Variants in COL6A6 observed in about 807,000 individuals in gnomAD.
COL6A6 encodes the protein collagen type VI alpha 6 chain.
Under a neutral mutation model 208.6 loss-of-function variants are expected in COL6A6, and 183 were observed. The ratio of observed to expected loss-of-function variants is 0.88; its 90% CI spans 0.78 to 0.99. COL6A6 has a LOEUF of 0.99. Ranked by LOEUF, COL6A6 falls within the 50% of genes least tolerant of loss-of-function variation. COL6A6 has a pLI of 0.00. For synonymous variants in COL6A6, 973 were observed against 1,011.8 expected (o/e 0.96, Z 0.73); for missense variants, 2,816 against 2,815.2 (o/e 1.00, Z -0.01).
chr3:130,633,796 G>A (rs1454435036), intron 26 of COL6A6, among the ~76,000 whole-genome samples: 1 of 14,414 alleles, frequency 6.9e-5, no homozygotes, highest in Admixed American at 1.5e-3. Flanking sequence ...GTAAACTATC[G>A]CAAGAACAAA....
chr3:130,526,209 G>A (rs1370796532), intron 1 of COL6A6, among the ~76,000 whole-genome samples: 1 of 152,094 alleles, frequency 6.6e-6, no homozygotes, highest in African/African-American at 2.4e-5. Flanking sequence ...CTTCTCTGGG[G>A]AGGTGACATT....
At chr3:130,552,836 G>GAATGAAGA (rs2062676517) in intron 1 of COL6A6, among the ~76,000 whole-genome samples, 1 of 152,142 alleles carries the variant, frequency 6.6e-6, no homozygotes, top group African/African-American at 2.4e-5. Context: ...CTCTCTTAAG[G>GAATGAAGA]CAGGTCTGGT....
At chr3:130,646,424 A>T (rs2065463088) in intron 32 of COL6A6, 1 of 152,306 alleles carries the variant, frequency 6.6e-6, no homozygotes, top group African/African-American at 2.4e-5. Flanking sequence ...AATACAAAAA[A>T]TTAGCTGGGC....
chr3:130,543,622 GAT>G (rs1340503176), intron 1 of COL6A6, among the ~76,000 whole-genome samples: 1 of 152,144 alleles, frequency 6.6e-6, no homozygotes, highest in African/African-American at 2.4e-5. Flanking sequence ...AGGCAAGTAA[GAT>G]ATAATAATTT....
chr3:130,650,934 T>A (rs1253663399), intron 33 of COL6A6, among the ~76,000 whole-genome samples: 1 of 152,220 alleles, frequency 6.6e-6, no homozygotes, highest in Non-Finnish European at 1.5e-5. Context: ...TTTCCTAGAT[T>A]AGAGGCTAAA....
At chr3:130,526,156 TA>T (rs949793986) in intron 1 of COL6A6, among the ~76,000 whole-genome samples, 2 of 152,092 alleles carry the variant, frequency 1.3e-5, no homozygotes, top group Non-Finnish European at 2.9e-5. Context: ...TGACTGACTA[TA>T]AAAAAGGTGG....
chr3:130,562,638 A>C (rs979506638), intron 2 of COL6A6, among the ~76,000 whole-genome samples: 3 of 152,218 alleles, frequency 2.0e-5, no homozygotes, highest in African/African-American at 7.2e-5. Context: ...AATTTGATGG[A>C]GTTTGAGTTT....
chr3:130,583,992 G>A (rs1317151161), intron 10 of COL6A6, among the ~76,000 whole-genome samples: 3 of 152,066 alleles, frequency 2.0e-5, no homozygotes, highest in South Asian at 2.1e-4. Flanking sequence ...CCTTGATGGC[G>A]GACGTGGCTG....
intron 1 of COL6A6, among the ~76,000 whole-genome samples, chr3:130,533,150 C>T (rs2062142140): frequency 6.6e-6 from 1 of 151,652 alleles, no homozygotes; most frequent in South Asian, 2.1e-4. Flanking sequence ...TTCTCAGTGG[C>T]AGCAGTGGCA....
chr3:130,599,456 G>A (rs902816854), intron 19 of COL6A6, among the ~76,000 whole-genome samples: 13 of 151,730 alleles, frequency 8.6e-5, no homozygotes, highest in African/African-American at 3.2e-4. Flanking sequence ...TCCACACTGT[G>A]GCAACGTAGT....
intron 1 of COL6A6, among the ~76,000 whole-genome samples, chr3:130,553,831 G>T (rs1442595471): frequency 1.4e-5 from 2 of 138,320 alleles, no homozygotes; most frequent in Non-Finnish European, 3.2e-5. Flanking sequence ...GGGTGTTGCG[G>T]TGGGTTTTTT....
intron 1 of COL6A6, among the ~76,000 whole-genome samples, chr3:130,550,966 T>G (rs2062628665): frequency 6.6e-6 from 1 of 152,250 alleles, no homozygotes; most frequent in Non-Finnish European, 1.5e-5. Flanking sequence ...TCACATTTAT[T>G]GATTTGTGTG....
chr3:130,539,561 G>C (rs1263988754), intron 1 of COL6A6, among the ~76,000 whole-genome samples: 1 of 152,004 alleles, frequency 6.6e-6, no homozygotes, highest in Non-Finnish European at 1.5e-5. Flanking sequence ...GTGAACCCGG[G>C]AGGCGGAGGT....
In COL6A6 at chr3:130,590,299, A is replaced by AT. The variant is rs71133610; in HGVS notation, c.4219-712dup. Reference sequence around the variant, plus strand: ...TATATATATATATATATATATATATATTTTTTTTTTTTTTTTTTTTTTTTT... The same window carrying AT: ...TATATATATATATATATATATATATATTTTTTTTTTTTTTTTTTTTTTTTTT... On this transcript the variant is annotated intron_variant, in intron 12 of 36. Coordinates refer to ENST00000358511, the MANE Select transcript of COL6A6 (RefSeq NM_001102608.3). 5.2e-3 allele frequency among the ~76,000 whole-genome samples: 48 copies of AT among 9,176 alleles called. 15 individuals are homozygous for AT. The highest frequency in any genetic ancestry group is 8.4e-3 in the Non-Finnish European group (39 of 4,648). 6.0% of individuals were successfully genotyped at this position (9,176 alleles called of 152,430 possible).
chr3:130,590,655 C>T (rs1168599954), intron 12 of COL6A6, among the ~76,000 whole-genome samples: 5 of 151,906 alleles, frequency 3.3e-5, no homozygotes, highest in Non-Finnish European at 7.4e-5. Context: ...GCAAGCTCCG[C>T]CTCCCGGGTT....
intron 28 of COL6A6, among the ~76,000 whole-genome samples, chr3:130,636,247 G>T (rs1311331167): frequency 1.3e-5 from 2 of 152,188 alleles, no homozygotes; most frequent in African/African-American, 4.8e-5. Flanking sequence ...TGCTTACTGT[G>T]TAACTGAGTA....
intron 10 of COL6A6, among the ~76,000 whole-genome samples, chr3:130,585,494 G>A (rs137878320): frequency 1.3e-5 from 2 of 152,290 alleles, no homozygotes; most frequent in African/African-American, 4.8e-5. Flanking sequence ...ACAAATGATA[G>A]CACTGTTGTT....
Position 130,635,713 on chromosome 3 carries a change from C to A in COL6A6, c.5043C>A (p.Asp1681Glu). Residue 1681 changes from aspartate to glutamate, a missense_variant, in exon 28 of 37, where the codon GAC (aspartate) becomes GAA (glutamate). Physicochemically the swap from Asp to Glu is conservative, Grantham distance 45 (BLOSUM62 2). Transcript: ENST00000358511. The part of the protein sequence containing the change: ...GESGPKGEIG[D>E]PGGPGETGLK... ...AATGTATTTAGGGTGAGATTGGGGA[C>A]CCTGGTGGTCCAGGAGAGACTGGGC... 6.2e-7 allele frequency: 1 copy of A among 1,609,072 alleles called. No homozygotes were observed. Among genetic ancestry groups the A allele is most frequent in the Non-Finnish European group, 8.5e-7 (1 of 1,175,856 alleles).
At chr3:130,561,596 AGTGAGGAGGT>A (rs1170773982) in intron 2 of COL6A6, among the ~76,000 whole-genome samples, 1 of 147,736 alleles carries the variant, frequency 6.8e-6, no homozygotes, top group African/African-American at 2.5e-5. Context: ...GGAATCTCAG[AGTGAGGAGGT>A]ACCTTAGATG....
Sources: gnomAD v4.1 joint callset for allele counts (sites outside exome capture counted in the v4.1 genomes callset) on GRCh38, gnomAD v4.1.1 for gene constraint, MANE v1.5 for transcripts, NCBI Gene and HGNC (gene_info 2026-07-23, HGNC 2026-07-21) for gene names.